TTC39B: variants seen among roughly 807,000 people sequenced by gnomAD.
TTC39B encodes tetratricopeptide repeat protein 39B.
Under a neutral mutation model 96.6 loss-of-function variants are expected in TTC39B, and 92 were observed. That is an observed-to-expected ratio of 0.95 (90% CI 0.80 to 1.13). The LOEUF (loss-of-function observed/expected upper bound fraction) is 1.13. Ranked by LOEUF, TTC39B falls within the 50% of genes most tolerant of loss-of-function variation. The pLI is 0.00. For synonymous variants in TTC39B, 367 were observed against 299.4 expected (o/e 1.23, Z -2.33); for missense variants, 955 against 809.3 (o/e 1.18, Z -2.18).
chr9:15,305,690 G>T (rs1486951689), intron 1 of TTC39B, among the ~76,000 whole-genome samples: 2 of 150,080 alleles, frequency 1.3e-5, no homozygotes, highest in Non-Finnish European at 3.0e-5. Context: ...ATCGGCTAAT[G>T]CATCTCAACC....
chr9:15,298,856 C>T lies in TTC39B; in HGVS notation c.240+8228G>A, dbSNP rs545034066. Among the ~76,000 whole-genome samples, 34 of 152,290 alleles carry T rather than the reference C, an allele frequency of 2.2e-4. No individual in the cohort carries two copies. In the South Asian group the frequency reaches 7.0e-3, roughly 32 times the overall value. On this transcript the variant is annotated intron_variant, in intron 1 of 19. Transcript: ENST00000512701. Reference sequence around the variant, plus strand: ...GTCCAGAGCACCACAGGATCTTCCTCACCTCTGCACCTTATCCCGCTATTC... The same window carrying T: ...GTCCAGAGCACCACAGGATCTTCCTTACCTCTGCACCTTATCCCGCTATTC...
At chr9:15,268,110 T>C (rs1178807585) in intron 1 of TTC39B, among the ~76,000 whole-genome samples, 162 bp from the exon 2 acceptor site, 3 of 152,122 alleles carry the variant, frequency 2.0e-5, no homozygotes, top group Admixed American at 2.0e-4. Flanking sequence ...GAATTCTGTT[T>C]ACAGAAATCA....
chr9:15,282,675 T>C (rs1823810811), intron 1 of TTC39B, among the ~76,000 whole-genome samples: 1 of 152,174 alleles, frequency 6.6e-6, no homozygotes, highest in African/African-American at 2.4e-5. Flanking sequence ...CTTTTACATA[T>C]AACAACTGAT....
chr9:15,260,116 T>C (rs965409813), intron 2 of TTC39B, among the ~76,000 whole-genome samples: 2 of 152,118 alleles, frequency 1.3e-5, no homozygotes, highest in African/African-American at 4.8e-5. Context: ...TAGAGCTGTT[T>C]AAAAAAATTC....
intron 2 of TTC39B, chr9:15,232,315 C>G (rs1433684571): frequency 2.0e-5 from 3 of 152,584 alleles, no homozygotes; most frequent in Non-Finnish European, 4.4e-5. Flanking sequence ...AAGACCCTAC[C>G]CAACATACTA....
At chr9:15,302,099 G>A (rs1824610380) in intron 1 of TTC39B, among the ~76,000 whole-genome samples, 1 of 151,906 alleles carries the variant, frequency 6.6e-6, no homozygotes, top group Non-Finnish European at 1.5e-5. Flanking sequence ...AAGGCGGGTG[G>A]ATCACTTGGG....
At chr9:15,267,972 G>A in intron 1 of TTC39B, 24 bp from the exon 2 acceptor site, 1 of 1,606,842 alleles carries the variant, frequency 6.2e-7, no homozygotes, top group South Asian at 1.1e-5. Flanking sequence ...AAAATACAAT[G>A]AGTTTCTCAA....
At chr9:15,205,300 C>G (rs1037761181) in intron 6 of TTC39B, among the ~76,000 whole-genome samples, 20 of 152,226 alleles carry the variant, frequency 1.3e-4, no homozygotes, top group African/African-American at 4.6e-4. Context: ...TGGACTGTGA[C>G]TGAAAATAGG....
chr9:15,189,652 A>AAC lies in TTC39B; in HGVS notation c.1174-21_1174-20dup. ...GTGAGCCCTGCAGAGCAAGGAAGAAAACACACTGTTCAACAGTCAACACTG... is the reference window on the plus strand; with the variant it reads ...GTGAGCCCTGCAGAGCAAGGAAGAAAACACACACTGTTCAACAGTCAACACTG... On this transcript the variant is annotated intron_variant, in intron 12 of 19. Transcript: ENST00000512701. 2 of 1,614,188 alleles carry AAC rather than the reference A, an allele frequency of 1.2e-6. No individual in the cohort carries two copies. The highest frequency in any genetic ancestry group is 1.7e-6 in the Non-Finnish European group (2 of 1,180,030).
chr9:15,177,584 A>T lies in TTC39B; in HGVS notation c.1841+113T>A, dbSNP rs150378729. 1.4e-3 allele frequency: 961 copies of T among 681,546 alleles called. 2 individuals carry two copies. Among genetic ancestry groups the T allele is most frequent in the Non-Finnish European group, 2.0e-3 (784 of 398,358 alleles). The allele number at this position is 681,546 out of a possible 1,614,324, so 42.2% of individuals were successfully genotyped here. On this transcript the variant is annotated intron_variant, in intron 18 of 19. Coordinates refer to ENST00000512701, the Ensembl canonical transcript of TTC39B. ...ACACTACTGGATTTTCTTTCTGGTA[A>T]CACCAAGTAAGAGTTTAGCAGTAAG...
At chr9:15,287,217 T>C (rs1250265416) in intron 1 of TTC39B, among the ~76,000 whole-genome samples, 1 of 152,220 alleles carries the variant, frequency 6.6e-6, no homozygotes, top group Non-Finnish European at 1.5e-5. Context: ...TCAGTATTTG[T>C]ATGACAATAA....
chr9:15,186,985 C>T (rs1213959250), exon 15 of TTC39B: 1 of 1,613,670 alleles, frequency 6.2e-7, no homozygotes, highest in Admixed American at 1.7e-5. Flanking sequence ...CTACTACATC[C>T]TCCTCTGGAA....
intron 17 of TTC39B, among the ~76,000 whole-genome samples, chr9:15,181,331 G>C (rs1818237834): frequency 6.6e-6 from 1 of 152,056 alleles, no homozygotes; most frequent in South Asian, 2.1e-4. Flanking sequence ...ATTTCTCTTG[G>C]GGTAATACCT....
chr9:15,218,858 T>G (rs983702262), intron 3 of TTC39B, among the ~76,000 whole-genome samples: 1 of 152,164 alleles, frequency 6.6e-6, no homozygotes, highest in African/African-American at 2.4e-5. Flanking sequence ...ATATATTGGT[T>G]CCACTGAAAC....
chr9:15,192,533 C>T (rs556451505), intron 9 of TTC39B, 57 bp downstream of exon 9: 19 of 1,388,098 alleles, frequency 1.4e-5, no homozygotes, highest in Non-Finnish European at 1.8e-5. Context: ...GGAGAAGGCA[C>T]AGAAAACCTT....
At chr9:15,255,583 C>T (rs1395005520) in intron 2 of TTC39B, among the ~76,000 whole-genome samples, 2 of 149,054 alleles carry the variant, frequency 1.3e-5, no homozygotes, top group South Asian at 2.1e-4. Context: ...TGGATGAAGG[C>T]GTCAGAAAAA....
At chr9:15,225,966 A>G (rs758033605) in exon 3 of TTC39B, 2 of 1,614,016 alleles carry the variant, frequency 1.2e-6, no homozygotes, top group East Asian at 2.2e-5. Flanking sequence ...TGTGTATCAC[A>G]TGATGCAAAG....
At chr9:15,211,158 G>A in intron 5 of TTC39B, 108 bp downstream of exon 5, 1 of 1,263,498 alleles carries the variant, frequency 7.9e-7, no homozygotes, top group Non-Finnish European at 1.0e-6. Flanking sequence ...TTCTGTAACT[G>A]TGGCCAATTT....
At chr9:15,183,107 G>C (rs1364022859) in intron 16 of TTC39B, among the ~76,000 whole-genome samples, 2 of 152,104 alleles carry the variant, frequency 1.3e-5, no homozygotes, top group African/African-American at 4.8e-5. Context: ...TATGAAGTAA[G>C]CAGGGTAATT....
Sources: allele counts gnomAD v4.1 joint callset (sites outside exome capture counted in the v4.1 genomes callset), GRCh38; gene constraint gnomAD v4.1.1; transcripts MANE v1.5; gene names NCBI Gene and HGNC (gene_info 2026-07-23, HGNC 2026-07-21).